Variants in NUP62CL observed in about 807,000 individuals in gnomAD.
The protein encoded by NUP62CL is nucleoporin 62 C-terminal like.
In NUP62CL, 13 loss-of-function variants were observed where a neutral mutation model predicts 15.3. The observed-to-expected ratio is 0.85, with a 90% CI of 0.55 to 1.35. NUP62CL has a LOEUF of 1.35. Among genes scored for constraint, NUP62CL ranks in the 40% most tolerant of loss-of-function variants. NUP62CL has a pLI of 0.00. For missense variants in NUP62CL, 123 were observed against 130.6 expected, an observed-to-expected ratio of 0.94 and a Z score of 0.28; for synonymous variants, 54 against 49.2, an observed-to-expected ratio of 1.10 and a Z score of -0.41.
intron 4 of NUP62CL, among the ~76,000 whole-genome samples, chrX:107,156,213 G>C (rs1267028851): frequency 8.9e-6 from 1 of 111,835 alleles, no homozygotes; most frequent in East Asian, 2.8e-4. Context: ...AGGGGCGCCC[G>C]CCATTGCCCA....
chrX:107,155,279 T>C (rs1309025004), intron 4 of NUP62CL, among the ~76,000 whole-genome samples: 2 of 112,237 alleles, frequency 1.8e-5, no homozygotes, highest in African/African-American at 3.2e-5. Context: ...GGAGGCTGAA[T>C]GAAGTGATAT....
chrX:107,132,206 G>A (rs1569353610), intron 8 of NUP62CL: 2 of 1,111,405 alleles, frequency 1.8e-6, no homozygotes, highest in Non-Finnish European at 2.5e-6. Flanking sequence ...GAAGATTCTG[G>A]TCCTCTTATT....
intron 3 of NUP62CL, among the ~76,000 whole-genome samples, chrX:107,174,690 G>A (rs1412580435): frequency 9.0e-6 from 1 of 111,113 alleles, no homozygotes; most frequent in Non-Finnish European, 1.9e-5. Context: ...AAACCAGGTC[G>A]GTATCAGAAA....
intron 1 of NUP62CL, among the ~76,000 whole-genome samples, chrX:107,203,536 G>A (rs979051146): frequency 5.4e-5 from 6 of 110,747 alleles, no homozygotes; most frequent in Non-Finnish European, 9.5e-5. Flanking sequence ...GTGAGCCACC[G>A]CACCTGGCTA....
chrX:107,180,617 A>C (rs1602659362), intron 2 of NUP62CL, among the ~76,000 whole-genome samples: 1 of 111,718 alleles, frequency 9.0e-6, no homozygotes, highest in South Asian at 3.8e-4. Flanking sequence ...AGAGTATACC[A>C]TTTATATCAA....
At chrX:107,171,533 G>A (rs1926650610) in intron 3 of NUP62CL, among the ~76,000 whole-genome samples, 2 of 112,123 alleles carry the variant, frequency 1.8e-5, no homozygotes, top group South Asian at 7.5e-4. Flanking sequence ...AGGCAAGAGA[G>A]CTTGTGTAAG....
intron 3 of NUP62CL, among the ~76,000 whole-genome samples, chrX:107,169,139 A>C (rs765413455): frequency 5.4e-5 from 6 of 111,702 alleles, no homozygotes; most frequent in Non-Finnish European, 1.1e-4. Context: ...CTAGGCAGAT[A>C]CTGGGAAATA....
rs749089107 is a variant in NUP62CL at position 107,152,847 on chromosome X, T to A, written c.530+325A>T. Among the ~76,000 whole-genome samples, 3 of 112,022 alleles carry A rather than the reference T, an allele frequency of 2.7e-5. No homozygotes were observed. The South Asian group carries it at 1.1e-3, about 42-fold the overall frequency. ...AATATCCCACAATACCATGACACCA[T>A]ACACATAAAATTTGTACTTCTAATT... is the stretch of plus-strand genomic sequence containing the variant. On this transcript the variant is annotated intron_variant, in intron 7 of 8. Coordinates refer to ENST00000372466, the MANE Select transcript of NUP62CL (RefSeq NM_017681.3).
At chrX:107,167,903 T>C (rs1926555289) in intron 3 of NUP62CL, 119 bp from the exon 4 acceptor site, 7 of 649,217 alleles carry the variant, frequency 1.1e-5, no homozygotes, top group Non-Finnish European at 1.6e-5. Flanking sequence ...AACTCAAAGA[T>C]GCAGATTTGA....
intron 4 of NUP62CL, among the ~76,000 whole-genome samples, chrX:107,157,831 G>A (rs1926246597): frequency 9.0e-6 from 1 of 111,048 alleles, no homozygotes; most frequent in Non-Finnish European, 1.9e-5. Flanking sequence ...GACACAGACT[G>A]GCAAATTGGA....
At chrX:107,141,930 C>T (rs960803635) in intron 8 of NUP62CL, among the ~76,000 whole-genome samples, 1 of 108,894 alleles carries the variant, frequency 9.2e-6, no homozygotes, top group Admixed American at 9.8e-5. Flanking sequence ...TATGGTGGTG[C>T]GTGCCTGTAG....
intron 1 of NUP62CL, among the ~76,000 whole-genome samples, chrX:107,203,918 A>G (rs897930392): frequency 9.0e-6 from 1 of 111,570 alleles, no homozygotes; most frequent in African/African-American, 3.3e-5. Context: ...GAATTAGCTA[A>G]ACTATATCCA....
At position 107,176,004 on chromosome X, in the gene NUP62CL, A is replaced by G. The variant is rs367680276; in HGVS notation, c.-47-811T>C. On this transcript the variant is annotated intron_variant, in intron 2 of 8. Transcript: ENST00000372466. ...CCACCCCAGTTTACTTGCAGGGTTAAGGTCCACACCTGAAGAGGTAAGCAA... is the reference window on the plus strand; with the variant it reads ...CCACCCCAGTTTACTTGCAGGGTTAGGGTCCACACCTGAAGAGGTAAGCAA... Among the ~76,000 whole-genome samples, 30 of 111,519 alleles carry G rather than the reference A, an allele frequency of 2.7e-4. 1 individual carries two copies. The East Asian group carries it at 5.0e-3, about 19-fold the overall frequency.
In NUP62CL at chrX:107,147,743, C is replaced by G; in HGVS notation, c.*42G>C. ...GAGTGGCATACAAGCAAACTCCCAC[C>G]TGAATTCCGATCAATCCACTGCAGG... is the stretch of plus-strand genomic sequence containing the variant. On this transcript the variant is annotated splice_region_variant and 3_prime_UTR_variant, in exon 8 of 9. Transcript: ENST00000372466. The G allele has an allele frequency of 8.7e-7, 1 of 1,153,374 alleles. No homozygotes were observed. Among genetic ancestry groups the G allele is most frequent in the Admixed American group, 2.2e-5 (1 of 45,779 alleles).
At chrX:107,186,325 G>C (rs1197094124) in intron 2 of NUP62CL, among the ~76,000 whole-genome samples, 1 of 111,167 alleles carries the variant, frequency 9.0e-6, no homozygotes, top group Admixed American at 9.6e-5. Flanking sequence ...ATAATGTTAT[G>C]GGATACATAT....
intron 1 of NUP62CL, among the ~76,000 whole-genome samples, chrX:107,193,788 C>T (rs1343250679): frequency 9.0e-6 from 1 of 110,747 alleles, no homozygotes; most frequent in East Asian, 2.8e-4. Flanking sequence ...ATTCTTATCC[C>T]AGAAATTAGA....
At position 107,150,304 on chromosome X, in the gene NUP62CL, G is replaced by A. The variant is rs772080307; in HGVS notation, c.531-2495C>T. 2.4e-4 allele frequency among the ~76,000 whole-genome samples: 27 copies of A among 111,688 alleles called. No individual in the cohort carries two copies. In the South Asian group the frequency reaches 0.01, roughly 42 times the overall value. ...ACATACTTAGTTATGTGAAGAATAA[G>A]GGAGAAAAGCATGACAACTTAGGGA... On this transcript the variant is annotated intron_variant, in intron 7 of 8. Transcript: ENST00000372466.
chrX:107,181,987 CTAAT>C (rs1926930249), intron 2 of NUP62CL, among the ~76,000 whole-genome samples: 1 of 111,629 alleles, frequency 9.0e-6, no homozygotes. Context: ...TTTACTATCT[CTAAT>C]TAAATTTACA....
chrX:107,162,351 GA>G (rs922783325), intron 4 of NUP62CL, among the ~76,000 whole-genome samples: 3 of 111,140 alleles, frequency 2.7e-5, no homozygotes, highest in African/African-American at 9.8e-5. Flanking sequence ...CAAAGTTTGT[GA>G]AAAGATATAA....
Sources: gnomAD v4.1 joint callset for allele counts (sites outside exome capture counted in the v4.1 genomes callset) on GRCh38, gnomAD v4.1.1 for gene constraint, MANE v1.5 for transcripts, NCBI Gene and HGNC (gene_info 2026-07-23, HGNC 2026-07-21) for gene names.